ADAMTS2: variants seen among roughly 807,000 people sequenced by gnomAD.
ADAMTS2 encodes A disintegrin and metalloproteinase with thrombospondin motifs 2.
In ADAMTS2, 50 loss-of-function variants were observed where a neutral mutation model predicts 123.0. That is an observed-to-expected ratio of 0.41 (90% confidence interval 0.32 to 0.51). The LOEUF is 0.51. Ranked by LOEUF, ADAMTS2 falls within the 20% of genes least tolerant of loss-of-function variation. The pLI, the probability that ADAMTS2 is intolerant of heterozygous loss-of-function variation, is 0.35. For synonymous variants in ADAMTS2, 678 were observed against 695.4 expected (o/e 0.98, Z 0.39); for missense variants, 1,494 against 1,705.2 (o/e 0.88, Z 2.18).
At chr5:179,255,162 G>A (rs993047563) in intron 3 of ADAMTS2, among the ~76,000 whole-genome samples, 19 of 152,156 alleles carry the variant, frequency 1.2e-4, no homozygotes, top group Admixed American at 7.2e-4. Context: ...ATGAATACAC[G>A]ATGGATGAAT....
Position 179,132,806 on chromosome 5 carries a change from C to T in ADAMTS2, c.2180G>A (p.Gly727Asp). The part of the protein sequence containing the change: ...GDNSHCKVVK[G>D]TFTRSPKKHG... Reference sequence around the variant, plus strand: ...CTTCTTGGGTGACCGTGTGAACGTGCCCTTGACCACTTTGCAGTGGCTGTT... The same window carrying T: ...CTTCTTGGGTGACCGTGTGAACGTGTCCTTGACCACTTTGCAGTGGCTGTT... The change falls in exon 14 of 22, where the codon GGC becomes GAC. Residue 727 changes from glycine (G) to aspartate (D), a missense_variant. Around this residue, in one of 6 missense-constraint regions of ADAMTS2, gnomAD observed 953 missense variants for 1,124.7 expected, o/e 0.85. Transcript: ENST00000251582. This position sits in a 1 kb window ranked among gnomAD's most constrained non-coding sequence, Gnocchi z 6.1. The T allele has an allele frequency of 6.2e-7, 1 of 1,614,106 alleles. No individual in the cohort carries two copies. The highest frequency in any genetic ancestry group is 8.5e-7 in the Non-Finnish European group (1 of 1,180,022).
chr5:179,182,845 C>T (rs755094916), intron 4 of ADAMTS2, among the ~76,000 whole-genome samples: 3 of 152,128 alleles, frequency 2.0e-5, no homozygotes, highest in Admixed American at 6.5e-5. Flanking sequence ...CCCCTGTAGG[C>T]GCTGAGGGTT....
intron 3 of ADAMTS2, among the ~76,000 whole-genome samples, chr5:179,267,160 T>A (rs1221180200): frequency 6.6e-6 from 1 of 151,406 alleles, no homozygotes; most frequent in Non-Finnish European, 1.5e-5. Flanking sequence ...CCCTGCGGCC[T>A]GGAAAACTCC....
intron 10 of ADAMTS2, among the ~76,000 whole-genome samples, chr5:179,142,553 G>A (rs755054529): frequency 2.6e-5 from 4 of 152,216 alleles, no homozygotes; most frequent in Non-Finnish European, 5.9e-5. Context: ...CTAGCTGTTA[G>A]TAGCAGCTAG....
chr5:179,232,871 T>C (rs1218200133), intron 3 of ADAMTS2, among the ~76,000 whole-genome samples: 1 of 152,228 alleles, frequency 6.6e-6, no homozygotes, highest in African/African-American at 2.4e-5. Context: ...CAAGATTCTC[T>C]TAGGGTTCAA....
chr5:179,241,907 G>A (rs186226961), intron 3 of ADAMTS2, among the ~76,000 whole-genome samples: 110 of 152,266 alleles, frequency 7.2e-4, no homozygotes, highest in Middle Eastern at 3.4e-3. Flanking sequence ...TTCCGCCAGC[G>A]GGAAGGGCCT....
chr5:179,283,549 C>CAAAAAAAAAAAAAAAAAAAAAAACAAA (rs3986816), intron 2 of ADAMTS2, among the ~76,000 whole-genome samples: 2 of 51,342 alleles, frequency 3.9e-5, no homozygotes, highest in East Asian at 5.3e-4. Flanking sequence ...AGAAAAACAG[C>CAAAAAAAAAAAAAAAAAAAAAAACAAA]AAAAAAAAAA....
intron 7 of ADAMTS2, among the ~76,000 whole-genome samples, 159 bp downstream of exon 7, chr5:179,154,655 C>A (rs979050079): frequency 2.0e-5 from 3 of 152,208 alleles, no homozygotes; most frequent in Admixed American, 6.5e-5. Flanking sequence ...AAGTGGGCCT[C>A]GGGCCAGCAC....
intron 4 of ADAMTS2, among the ~76,000 whole-genome samples, chr5:179,205,764 T>TTATTATTATTAG (rs1283739576): frequency 6.7e-6 from 1 of 149,322 alleles, no homozygotes; most frequent in African/African-American, 2.4e-5. Context: ...ATTGTTATTA[T>TTATTATTATTAG]TATTATTATT....
intron 10 of ADAMTS2, among the ~76,000 whole-genome samples, chr5:179,146,415 A>G (rs1409542933): frequency 6.6e-6 from 1 of 151,836 alleles, no homozygotes; most frequent in Non-Finnish European, 1.5e-5. Flanking sequence ...AGGGCATTTC[A>G]AGTTTTCTCT....
rs1230679177 is a variant in ADAMTS2 at position 179,128,967 on chromosome 5, G to A, written c.2458-849C>T. Among the ~76,000 whole-genome samples, 1 of 152,166 alleles carries A rather than the reference G, an allele frequency of 6.6e-6. No individual in the cohort carries two copies. Among genetic ancestry groups the A allele is most frequent in the African/African-American group, 2.4e-5 (1 of 41,432 alleles). On this transcript the variant is annotated intron_variant, in intron 16 of 21. Transcript: ENST00000251582. This position sits in a 1 kb window ranked among gnomAD's most constrained non-coding sequence, Gnocchi z 4.9. ...CAGACTGCAGAAAGAACCCCTGTTT[G>A]TGGGATGAGAGCAGAAACAAGCAGA...
chr5:179,243,581 G>A (rs1321289844), intron 3 of ADAMTS2, among the ~76,000 whole-genome samples: 1 of 152,154 alleles, frequency 6.6e-6, no homozygotes, highest in Admixed American at 6.5e-5. Context: ...GATGGGGGAG[G>A]GGAATCAGTA....
chr5:179,307,755 C>T lies in ADAMTS2; in HGVS notation c.535-34691G>A, dbSNP rs1756719521. Among the ~76,000 whole-genome samples the T allele has an allele frequency of 6.6e-6, 1 of 152,226 alleles. No individual in the cohort carries two copies. Among genetic ancestry groups the T allele is most frequent in the South Asian group, 2.1e-4 (1 of 4,826 alleles). On this transcript the variant is annotated intron_variant, in intron 2 of 21. Coordinates refer to ENST00000251582, the MANE Select transcript of ADAMTS2 (RefSeq NM_014244.5). The surrounding 1 kb of genome is among the most constrained non-coding windows in gnomAD (Gnocchi z 5.6). The stretch of plus-strand genomic sequence containing the variant: ...GGGCCTTTGCACCTGCTGCTGCCTC[C>T]ACCTGGAATGGCCTTCTTCCAGAAG...
At chr5:179,305,239 A>G (rs1756638285) in intron 2 of ADAMTS2, among the ~76,000 whole-genome samples, 1 of 152,218 alleles carries the variant, frequency 6.6e-6, no homozygotes, top group Non-Finnish European at 1.5e-5. Flanking sequence ...GATGCTAGAA[A>G]GAAATTTTGA....
intron 3 of ADAMTS2, among the ~76,000 whole-genome samples, chr5:179,255,864 G>T (rs1042980367): frequency 6.6e-6 from 1 of 152,188 alleles, no homozygotes; most frequent in African/African-American, 2.4e-5. Context: ...GGGCTGGGCA[G>T]CCCTGGAGTG....
chr5:179,325,631 C>T (rs12518382), intron 2 of ADAMTS2, among the ~76,000 whole-genome samples: 2,672 of 152,356 alleles, frequency 0.018, 76 homozygotes, highest in African/African-American at 0.06. Context: ...AGTGAGAACT[C>T]ACCACTGGGC....
intron 3 of ADAMTS2, among the ~76,000 whole-genome samples, chr5:179,222,058 G>T (rs1250593464): frequency 1.3e-5 from 2 of 152,062 alleles, no homozygotes; most frequent in Non-Finnish European, 2.9e-5. Flanking sequence ...GAGCCCAGAG[G>T]CCAGGCCATC....
At chr5:179,159,857 T>C (rs1763562084) in intron 5 of ADAMTS2, among the ~76,000 whole-genome samples, 2 of 152,162 alleles carry the variant, frequency 1.3e-5, no homozygotes, top group Admixed American at 1.3e-4. Context: ...CCTCCTTAAA[T>C]AAGACATACA....
intron 4 of ADAMTS2, among the ~76,000 whole-genome samples, chr5:179,200,963 A>G (rs773204871): frequency 1.3e-5 from 2 of 152,242 alleles, no homozygotes; most frequent in Non-Finnish European, 2.9e-5. Flanking sequence ...TGAATAGGCC[A>G]AGCAAAAAAA....
Sources: gnomAD v4.1 joint callset for allele counts (sites outside exome capture counted in the v4.1 genomes callset) on GRCh38, gnomAD v4.1.1 for gene constraint, gnomAD v4.1.1 regional missense constraint, Gnocchi (gnomAD v3.1) non-coding constraint, MANE v1.5 for transcripts, NCBI Gene and HGNC (gene_info 2026-07-23, HGNC 2026-07-21) for gene names.